The following HSD17B13 variants were observed in gnomAD, a reference collection of about 807,000 sequenced individuals.
HSD17B13 encodes hydroxysteroid 17-beta dehydrogenase 13.
HSD17B13 carries 26 observed loss-of-function variants against 31.1 expected under a neutral mutation model. That is an observed-to-expected ratio of 0.84 (90% CI 0.61 to 1.16). The LOEUF (loss-of-function observed/expected upper bound fraction) is 1.16, where lower values mean the gene tolerates loss of function less well. HSD17B13 is among the 50% of genes most tolerant of loss of function. The pLI is 0.00. For missense variants in HSD17B13, 374 were observed against 366.5 expected (o/e 1.02, Z -0.17); for synonymous variants, 141 against 133.7 (o/e 1.05, Z -0.38).
intron 1 of HSD17B13, among the ~76,000 whole-genome samples, chr4:87,320,109 T>G (rs1295365811): frequency 6.6e-6 from 1 of 152,202 alleles, no homozygotes; most frequent in Non-Finnish European, 1.5e-5. Flanking sequence ...ATTTCGCTAC[T>G]GTAGGCTAAA....
intron 5 of HSD17B13, among the ~76,000 whole-genome samples, chr4:87,310,877 T>C (rs1218358232): frequency 1.3e-5 from 2 of 152,106 alleles, no homozygotes; most frequent in Non-Finnish European, 2.9e-5. Context: ...TGACACCTAC[T>C]GGGCTGCATT....
intron 1 of HSD17B13, among the ~76,000 whole-genome samples, chr4:87,320,340 G>A (rs1425273424): frequency 6.6e-6 from 1 of 150,874 alleles, no homozygotes; most frequent in East Asian, 2.0e-4. Flanking sequence ...AGTTACCAGA[G>A]CATTCATCAG....
chr4:87,310,097 G>A (rs1201025701), intron 6 of HSD17B13, 146 bp downstream of exon 6: 11 of 924,776 alleles, frequency 1.2e-5, no homozygotes, highest in African/African-American at 5.3e-5. Context: ...CCCAGGAGGC[G>A]GAGGTTGCAG....
intron 5 of HSD17B13, among the ~76,000 whole-genome samples, chr4:87,312,043 G>T (rs1221510608): frequency 6.6e-6 from 1 of 151,944 alleles, no homozygotes; most frequent in Non-Finnish European, 1.5e-5. Context: ...CTCTAAGTTA[G>T]CCCCCAGGAA....
Position 87,313,874 on chromosome 4 carries a change from CA to C in HSD17B13, c.643del (p.Cys215ValfsTer7). On this transcript the variant is annotated frameshift_variant, in exon 5 of 7. Transcript: ENST00000328546. LOFTEE classifies it high-confidence loss of function. Reference sequence around the variant, plus strand: ...AGTATTCACAAAAACTGGGCAGAGACATGAGGTTTTGATACCAGTTTTTCCC... The same window carrying C: ...AGTATTCACAAAAACTGGGCAGAGACTGAGGTTTTGATACCAGTTTTTCCC... ...ALGKTGIKTSCLCPVFVNTGF... is the reference protein window; with the variant it reads ...ALGKTGIKTSXLCPVFVNTGF... 6.2e-7 allele frequency: 1 copy of C among 1,612,024 alleles called. No individual in the cohort carries two copies. The highest frequency in any genetic ancestry group is 1.1e-5 in the South Asian group (1 of 90,828).
intron 5 of HSD17B13, among the ~76,000 whole-genome samples, chr4:87,311,227 C>G (rs1168551727): frequency 6.6e-6 from 1 of 152,156 alleles, no homozygotes; most frequent in Non-Finnish European, 1.5e-5. Context: ...GAATAATCCA[C>G]CCCTTGTTTA....
intron 4 of HSD17B13, 26 bp from the exon 5 acceptor site, chr4:87,313,986 T>A (rs1249888336): frequency 1.2e-5 from 18 of 1,485,166 alleles, no homozygotes; most frequent in Non-Finnish European, 1.5e-5. Context: ...TAAGCATTGT[T>A]AGCTAAGGGA....
intron 6 of HSD17B13, among the ~76,000 whole-genome samples, chr4:87,307,075 G>A (rs192986804): frequency 6.6e-6 from 1 of 152,146 alleles, no homozygotes; most frequent in East Asian, 1.9e-4. Context: ...GATGGAATGA[G>A]CAAAGGGGCA....
intron 5 of HSD17B13, among the ~76,000 whole-genome samples, chr4:87,312,518 C>CTT (rs747820120): frequency 9.9e-4 from 71 of 71,594 alleles, no homozygotes; most frequent in African/African-American, 2.4e-3. Context: ...ACCTTTAATT[C>CTT]TTTTTTTTTT....
intron 1 of HSD17B13, among the ~76,000 whole-genome samples, chr4:87,319,559 A>G (rs1734733628): frequency 6.6e-6 from 1 of 152,262 alleles, no homozygotes. Flanking sequence ...AACTAGTGGT[A>G]ATGGTAAACT....
intron 5 of HSD17B13, 26 bp from the exon 6 acceptor site, chr4:87,310,385 A>T: frequency 1.5e-6 from 2 of 1,363,660 alleles, no homozygotes; most frequent in Non-Finnish European, 1.9e-6. Flanking sequence ...GGAAAATATT[A>T]TTTTTATTTT....
intron 5 of HSD17B13, among the ~76,000 whole-genome samples, chr4:87,311,837 T>C (rs947203920): frequency 1.3e-5 from 2 of 152,078 alleles, no homozygotes; most frequent in Admixed American, 1.3e-4. Context: ...CAACAGAGAG[T>C]AATACAAATC....
chr4:87,320,944 G>A (rs1734772548), intron 1 of HSD17B13, among the ~76,000 whole-genome samples: 1 of 152,162 alleles, frequency 6.6e-6, no homozygotes, highest in African/African-American at 2.4e-5. Flanking sequence ...GCCTTAGAGT[G>A]AATCATTCAG....
At chr4:87,319,638 G>C (rs1330078696) in intron 1 of HSD17B13, among the ~76,000 whole-genome samples, 1 of 152,178 alleles carries the variant, frequency 6.6e-6, no homozygotes, top group Non-Finnish European at 1.5e-5. Flanking sequence ...AGGGAAAGAA[G>C]TCTCCTTAAA....
At chr4:87,316,977 G>T in intron 3 of HSD17B13, 115 bp downstream of exon 3, 3 of 1,040,174 alleles carry the variant, frequency 2.9e-6, no homozygotes, top group Middle Eastern at 2.1e-4. Flanking sequence ...AATGATTCTT[G>T]ATTAAGGCAA....
chr4:87,305,960 C>T (rs770644773), intron 6 of HSD17B13, among the ~76,000 whole-genome samples: 3 of 152,144 alleles, frequency 2.0e-5, no homozygotes, highest in Admixed American at 6.5e-5. Context: ...CATTAAAACT[C>T]TCATTTCATG....
intron 6 of HSD17B13, among the ~76,000 whole-genome samples, chr4:87,308,645 C>CA (rs1734450159): frequency 6.7e-6 from 1 of 149,838 alleles, no homozygotes; most frequent in African/African-American, 2.4e-5. Context: ...TGTGCCACTG[C>CA]ACTCCAGCCT....
chr4:87,316,253 T>C (rs1305248962), intron 3 of HSD17B13, among the ~76,000 whole-genome samples: 3 of 152,162 alleles, frequency 2.0e-5, no homozygotes, highest in Non-Finnish European at 4.4e-5. Flanking sequence ...TCCCAACCCA[T>C]AGAAACTGTG....
At chr4:87,318,307 A>G (rs1215023037) in intron 2 of HSD17B13, 22 bp downstream of exon 2, 2 of 1,550,216 alleles carry the variant, frequency 1.3e-6, no homozygotes. Flanking sequence ...ATCTGAAGAA[A>G]TTTGTGAACC....
Sources: allele counts gnomAD v4.1 joint callset (sites outside exome capture counted in the v4.1 genomes callset), GRCh38; gene constraint gnomAD v4.1.1; transcripts MANE v1.5; gene names NCBI Gene and HGNC (gene_info 2026-07-23, HGNC 2026-07-21).